CC2D2A: variants seen among roughly 807,000 people sequenced by gnomAD.
CC2D2A encodes the protein coiled-coil and C2 domain containing 2A, also known as coiled-coil and C2 domain-containing protein 2A.
In CC2D2A, 155 loss-of-function variants were observed where a neutral mutation model predicts 212.9. That is an observed-to-expected ratio of 0.73 (90% CI 0.64 to 0.83). CC2D2A has a LOEUF of 0.83. Ranked by LOEUF, CC2D2A falls within the 40% of genes least tolerant of loss-of-function variation. The pLI is 0.00. For missense variants in CC2D2A, 1,856 were observed against 1,956.2 expected, an observed-to-expected ratio of 0.95 and a Z score of 0.97; for synonymous variants, 667 against 686.5, an observed-to-expected ratio of 0.97 and a Z score of 0.44.
chr4:15,489,600 AT>A (rs1715190741), intron 4 of CC2D2A, among the ~76,000 whole-genome samples: 1 of 152,226 alleles, frequency 6.6e-6, no homozygotes, highest in African/African-American at 2.4e-5. Flanking sequence ...AAACAAAAAA[AT>A]AAAACTTCTT....
intron 23 of CC2D2A, 128 bp downstream of exon 23, chr4:15,560,750 T>C (rs1719547919): frequency 1.9e-6 from 1 of 522,654 alleles, no homozygotes; most frequent in South Asian, 2.6e-5. Context: ...AGGAATAATG[T>C]GTTAAACCTG....
rs1000847799 is a variant in CC2D2A, at chr4:15,479,300, G to C, written c.123+494G>C. 5.2e-6 allele frequency: 8 copies of C among 1,537,058 alleles called. No homozygotes were observed. The Admixed American group carries it at 7.8e-5, about 15-fold the overall frequency. On this transcript the variant is annotated intron_variant, in intron 3 of 36. Coordinates refer to ENST00000424120, the MANE Select transcript of CC2D2A (RefSeq NM_001378615.1). ...CAGGAGTTCCCCTCCTAGGCTGGGA[G>C]CATCCCGTGCAGGGTAAATCTTTTC... is the stretch of plus-strand genomic sequence containing the variant.
In CC2D2A at chr4:15,502,468, C is replaced by T; in HGVS notation, c.287C>T (p.Ala96Val). The T allele has an allele frequency of 3.1e-6, 5 of 1,608,258 alleles. 1 individual carries two copies. In the South Asian group the frequency reaches 5.6e-5, roughly 18 times the overall value. ...PIPSTSRTGF[A>V]EFSMRGRMRE... is the part of the protein sequence containing the mutation. ...CCTTCAACTTCCAGAACAGGCTTTG[C>T]AGAATTTTCCATGAGGGGACGCATG... The change falls in exon 5 of 37, where the codon GCA becomes GTA. Residue 96 changes from alanine (A) to valine (V), a missense_variant. Physicochemically the swap from Ala to Val is moderately conservative, Grantham distance 64 (BLOSUM62 0). This residue lies in a region of CC2D2A where 1,512 missense variants were observed against 1,579.3 expected (regional missense o/e 0.96). Transcript: ENST00000424120.
chr4:15,499,537 C>T (rs1045326144), intron 4 of CC2D2A, among the ~76,000 whole-genome samples: 1 of 152,044 alleles, frequency 6.6e-6, no homozygotes, highest in African/African-American at 2.4e-5. Flanking sequence ...AATAATAAAC[C>T]TACTTCAGTT....
chr4:15,588,566 CA>C (rs1378266731), intron 32 of CC2D2A, among the ~76,000 whole-genome samples: 1 of 152,164 alleles, frequency 6.6e-6, no homozygotes, highest in Non-Finnish European at 1.5e-5. Flanking sequence ...AAAGAGGCCA[CA>C]AGGCTCTAGG....
intron 17 of CC2D2A, among the ~76,000 whole-genome samples, chr4:15,542,610 G>A (rs1265163866): frequency 6.6e-6 from 1 of 152,208 alleles, no homozygotes; most frequent in Non-Finnish European, 1.5e-5. Context: ...CATCATGGCT[G>A]TATAATTAAT....
At position 15,524,654 on chromosome 4, in the gene CC2D2A, T is replaced by C. The variant is rs190140813; in HGVS notation, c.1150-2793T>C. Among the ~76,000 whole-genome samples, 75 of 151,716 alleles carry C rather than the reference T, an allele frequency of 4.9e-4. 1 individual carries two copies. Among genetic ancestry groups the C allele is most frequent in the Admixed American group, 2.4e-3 (36 of 15,206 alleles). On this transcript the variant is annotated intron_variant, in intron 11 of 36. Transcript: ENST00000424120. Reference sequence around the variant, plus strand: ...TTTCAGTAGAGACGGGGTTTCACCGTGTTAGCCAGGATGGTCTCGATCTCC... The same window carrying C: ...TTTCAGTAGAGACGGGGTTTCACCGCGTTAGCCAGGATGGTCTCGATCTCC...
chr4:15,588,127 C>A (rs2109090662), intron 32 of CC2D2A, among the ~76,000 whole-genome samples, 198 bp downstream of exon 32: 1 of 152,326 alleles, frequency 6.6e-6, no homozygotes, highest in East Asian at 1.9e-4. Flanking sequence ...GGGCCCCATG[C>A]AACACTTCAG....
In CC2D2A at chr4:15,560,534, A is replaced by T; in HGVS notation, c.2926A>T (p.Arg976Ter). 2 of 1,460,976 alleles carry T rather than the reference A, an allele frequency of 1.4e-6. No homozygotes were observed. The highest frequency in any genetic ancestry group is 1.9e-6 in the Non-Finnish European group (2 of 1,053,132). The allele number at this position is 1,460,976 out of a possible 1,614,324, so 90.5% of individuals were successfully genotyped here. A position where few individuals can be genotyped will look rare whatever the true frequency, so the allele number is the denominator to read the frequency against. Reference sequence around the variant, plus strand: ...ATAAGCTGATTTCTTTCCCCAGGTTAGAGAATCAGTGATAAATCGTTTCTT... The same window carrying T: ...ATAAGCTGATTTCTTTCCCCAGGTTTGAGAATCAGTGATAAATCGTTTCTT... The part of the protein sequence containing the change: ...AIVAKYLQQV[R>*]ESVINRFLIA... The change falls in exon 23 of 37, where the codon AGA (arginine) becomes TGA (stop). Residue 976 changes from arginine (R) to a stop codon, truncating the protein, a stop_gained. Transcript: ENST00000424120. LOFTEE classifies it high-confidence loss of function.
chr4:15,599,730 C>G (rs1721496064), intron 36 of CC2D2A, 24 bp downstream of exon 36: 1 of 1,551,900 alleles, frequency 6.4e-7, no homozygotes, highest in African/African-American at 1.4e-5. Flanking sequence ...GGATCCTAAA[C>G]TGACTGTGGA....
At chr4:15,492,393 A>G (rs949544095) in intron 4 of CC2D2A, among the ~76,000 whole-genome samples, 1 of 150,158 alleles carries the variant, frequency 6.7e-6, no homozygotes, top group Non-Finnish European at 1.5e-5. Context: ...CTCATTTTCA[A>G]CCCAACAGCC....
intron 35 of CC2D2A, 47 bp from the exon 36 acceptor site, chr4:15,599,482 A>G: frequency 7.7e-6 from 10 of 1,290,606 alleles, no homozygotes; most frequent in Non-Finnish European, 1.1e-5. Flanking sequence ...TTTTTTAACA[A>G]GGGAAAAGTG....
intron 24 of CC2D2A, chr4:15,564,375 T>C (rs1003584691): frequency 6.6e-6 from 1 of 152,120 alleles, no homozygotes; most frequent in Non-Finnish European, 1.5e-5. Flanking sequence ...TGAAACTTCT[T>C]TTTGGTAGTG....
chr4:15,476,134 C>T (rs753508376), intron 2 of CC2D2A, among the ~76,000 whole-genome samples, 163 bp downstream of exon 2: 1 of 152,156 alleles, frequency 6.6e-6, no homozygotes, highest in African/African-American at 2.4e-5. Flanking sequence ...GTACAAAGAA[C>T]GATTTGTGAA....
chr4:15,537,095 A>T lies in CC2D2A; in HGVS notation c.1764+19A>T, dbSNP rs1718173099. On this transcript the variant is annotated intron_variant, in intron 15 of 36. Coordinates refer to ENST00000424120, the MANE Select transcript of CC2D2A (RefSeq NM_001378615.1). ...AGTGCAAGTGTGTAAACAAACACTC[A>T]GCCTGGAATAGGGCTGGCCAGGAAG... is the stretch of plus-strand genomic sequence containing the variant. 1 of 1,610,826 alleles carries T rather than the reference A, an allele frequency of 6.2e-7. No individual in the cohort carries two copies. The highest frequency in any genetic ancestry group is 8.5e-7 in the Non-Finnish European group (1 of 1,178,056).
At chr4:15,486,901 C>G (rs1417007915) in intron 4 of CC2D2A, among the ~76,000 whole-genome samples, 1 of 151,314 alleles carries the variant, frequency 6.6e-6, no homozygotes, top group African/African-American at 2.4e-5. Flanking sequence ...CATCATTGAC[C>G]CAATTGTTGT....
At chr4:15,521,326 G>A (rs1375535607) in intron 11 of CC2D2A, among the ~76,000 whole-genome samples, 1 of 152,066 alleles carries the variant, frequency 6.6e-6, no homozygotes, top group Non-Finnish European at 1.5e-5. Flanking sequence ...TGTAATTATT[G>A]TAACCTTCCA....
At chr4:15,583,731 C>T (rs13129739) in intron 30 of CC2D2A, among the ~76,000 whole-genome samples, 45,366 of 151,816 alleles carry the variant, frequency 0.3, 6,938 homozygotes, top group Middle Eastern at 0.43. Context: ...GGGCGGATCA[C>T]GAGGTCAGGA....
At chr4:15,590,099 T>A (rs1721032238) in intron 33 of CC2D2A, among the ~76,000 whole-genome samples, 1 of 152,232 alleles carries the variant, frequency 6.6e-6, no homozygotes, top group African/African-American at 2.4e-5. Flanking sequence ...CTCTTTCTTT[T>A]TTCAAAGGAG....
Sources: gnomAD v4.1 joint callset for allele counts (sites outside exome capture counted in the v4.1 genomes callset) on GRCh38, gnomAD v4.1.1 for gene constraint, gnomAD v4.1.1 regional missense constraint, MANE v1.5 for transcripts, NCBI Gene and HGNC (gene_info 2026-07-23, HGNC 2026-07-21) for gene names.